Variants in SMYD3 observed in about 807,000 individuals in gnomAD.
SMYD3 encodes SET and MYND domain containing 3.
A neutral mutation model predicts 57.7 loss-of-function variants in SMYD3; 36 were observed. The observed-to-expected ratio is 0.62, with a 90% CI of 0.48 to 0.82. The LOEUF is 0.82. Ranked by LOEUF, SMYD3 falls within the 40% of genes least tolerant of loss-of-function variation. The pLI, the probability that SMYD3 is intolerant of heterozygous loss-of-function variation, is 0.00. For synonymous variants in SMYD3, 211 were observed against 195.0 expected (o/e 1.08, Z -0.68); for missense variants, 515 against 538.8 (o/e 0.96, Z 0.44).
chr1:245,989,400 T>C (rs1336519504), intron 5 of SMYD3, among the ~76,000 whole-genome samples: 1 of 152,244 alleles, frequency 6.6e-6, no homozygotes, highest in Non-Finnish European at 1.5e-5. Context: ...ATGTTTAGGC[T>C]GTGTGCACTT....
chr1:246,385,898 T>A (rs2066469765), intron 1 of SMYD3, among the ~76,000 whole-genome samples: 1 of 151,880 alleles, frequency 6.6e-6, no homozygotes, highest in Non-Finnish European at 1.5e-5. Context: ...GTAGAACACA[T>A]ACACCTTTTT....
chr1:245,935,088 A>G (rs1558510709), intron 5 of SMYD3, among the ~76,000 whole-genome samples: 1 of 152,272 alleles, frequency 6.6e-6, no homozygotes, highest in Non-Finnish European at 1.5e-5. Flanking sequence ...AAGCTTCTGC[A>G]TAGCACAGGA....
chr1:246,421,097 A>C (rs1290717717), intron 1 of SMYD3, among the ~76,000 whole-genome samples: 13 of 152,194 alleles, frequency 8.5e-5, no homozygotes, highest in Non-Finnish European at 4.4e-5. Flanking sequence ...TGCATCATTA[A>C]CTGGCAAGGA....
At chr1:246,451,605 A>C (rs1443113190) in intron 1 of SMYD3, among the ~76,000 whole-genome samples, 1 of 152,252 alleles carries the variant, frequency 6.6e-6, no homozygotes, top group East Asian at 1.9e-4. Flanking sequence ...TACAACACCA[A>C]GGGTGAACGC....
At chr1:246,019,376 A>G (rs2148221008) in intron 5 of SMYD3, among the ~76,000 whole-genome samples, 1 of 152,374 alleles carries the variant, frequency 6.6e-6, no homozygotes, top group Non-Finnish European at 1.5e-5. Flanking sequence ...CTTTACAGCT[A>G]TTCTTTTGAT....
chr1:246,172,753 C>T (rs1485901932), intron 5 of SMYD3, among the ~76,000 whole-genome samples: 2 of 147,104 alleles, frequency 1.4e-5, no homozygotes, highest in Non-Finnish European at 3.0e-5. Flanking sequence ...GCTACACAGG[C>T]CTAGAACACT....
intron 5 of SMYD3, among the ~76,000 whole-genome samples, chr1:246,033,957 A>T (rs2059724683): frequency 6.6e-6 from 1 of 152,212 alleles, no homozygotes; most frequent in Admixed American, 6.5e-5. Flanking sequence ...ATCTATAATT[A>T]TCTCAAAAAT....
At chr1:245,883,005 T>C (rs1476736805) in intron 8 of SMYD3, among the ~76,000 whole-genome samples, 1 of 152,210 alleles carries the variant, frequency 6.6e-6, no homozygotes, top group Non-Finnish European at 1.5e-5. Context: ...AGCACTGTGA[T>C]TGTTAGAGAA....
At chr1:245,894,166 T>C (rs1374501297) in intron 8 of SMYD3, among the ~76,000 whole-genome samples, 1 of 151,854 alleles carries the variant, frequency 6.6e-6, no homozygotes, top group Non-Finnish European at 1.5e-5. Context: ...TAGCTAGACG[T>C]TTGTAAAATG....
chr1:246,108,983 C>A (rs1428491619), intron 5 of SMYD3, among the ~76,000 whole-genome samples: 1 of 152,192 alleles, frequency 6.6e-6, no homozygotes, highest in Non-Finnish European at 1.5e-5. Context: ...GGTAGGGTTA[C>A]ATCTTTGCTC....
intron 5 of SMYD3, among the ~76,000 whole-genome samples, chr1:246,248,238 G>T (rs933357135): frequency 3.3e-5 from 5 of 152,126 alleles, no homozygotes; most frequent in Admixed American, 6.5e-5. Context: ...ATTCTGCCCA[G>T]AATGTTCTGA....
rs139869351 is a variant in SMYD3 at position 246,123,893 on chromosome 1, T to G, written c.532-193956A>C. On this transcript the variant is annotated intron_variant, in intron 5 of 11. Transcript: ENST00000490107. ...CCCTAGCACCCAAAGATGGGACTAG[T>G]CCTGCATCTGCTGCCATCAGCCTTT... Among the ~76,000 whole-genome samples, 298 of 152,284 alleles carry G rather than the reference T, an allele frequency of 2.0e-3. 3 individuals carry two copies. Among genetic ancestry groups the G allele is most frequent in the African/African-American group, 6.2e-3 (259 of 41,564 alleles).
At chr1:246,339,756 G>A (rs549503351) in intron 2 of SMYD3, among the ~76,000 whole-genome samples, 7 of 152,264 alleles carry the variant, frequency 4.6e-5, no homozygotes, top group East Asian at 3.9e-4. Context: ...GTAGCACAGC[G>A]CTCACGAACG....
intron 10 of SMYD3, among the ~76,000 whole-genome samples, chr1:245,791,983 T>C (rs900535292): frequency 6.6e-6 from 1 of 151,162 alleles, no homozygotes; most frequent in Non-Finnish European, 1.5e-5. Context: ...TGTGTGTGTG[T>C]GTAAGCGGTA....
Position 246,165,819 on chromosome 1 carries a change from A to G in SMYD3, c.531+161382T>C, listed in dbSNP as rs572187015. Among the ~76,000 whole-genome samples, 70 of 152,286 alleles carry G rather than the reference A, an allele frequency of 4.6e-4. 1 individual carries two copies. Among genetic ancestry groups the G allele is most frequent in the African/African-American group, 1.6e-3 (65 of 41,562 alleles). On this transcript the variant is annotated intron_variant, in intron 5 of 11. Coordinates refer to ENST00000490107, the MANE Select transcript of SMYD3 (RefSeq NM_001167740.2). ...ATTTTTACAATGAGACAATAAAGTA[A>G]TATTTGGGTAAGAAAAATTCACACA...
chr1:246,391,657 C>T (rs1572453704), intron 1 of SMYD3, among the ~76,000 whole-genome samples: 1 of 152,040 alleles, frequency 6.6e-6, no homozygotes, highest in East Asian at 1.9e-4. Flanking sequence ...CTTTAAGACA[C>T]ACATATTACT....
chr1:246,343,676 T>C (rs992521389), intron 2 of SMYD3, among the ~76,000 whole-genome samples: 2 of 152,192 alleles, frequency 1.3e-5, no homozygotes, highest in African/African-American at 2.4e-5. Flanking sequence ...TTTGGCTTGA[T>C]TGAGTAAGCA....
At chr1:245,895,461 G>C (rs892510519) in intron 8 of SMYD3, among the ~76,000 whole-genome samples, 2 of 152,154 alleles carry the variant, frequency 1.3e-5, no homozygotes, top group African/African-American at 4.8e-5. Flanking sequence ...CCCACCAGGA[G>C]ACAGTTCTGC....
intron 5 of SMYD3, among the ~76,000 whole-genome samples, chr1:246,096,072 C>T (rs1236915222): frequency 3.3e-5 from 5 of 152,140 alleles, no homozygotes; most frequent in Admixed American, 2.6e-4. Flanking sequence ...GAACAGCACA[C>T]GTGCAATTCT....
Sources: allele counts gnomAD v4.1 joint callset (sites outside exome capture counted in the v4.1 genomes callset), GRCh38; gene constraint gnomAD v4.1.1; transcripts MANE v1.5; gene names NCBI Gene and HGNC (gene_info 2026-07-23, HGNC 2026-07-21).